The following OXSR1 variants were observed in gnomAD, a reference collection of about 807,000 sequenced individuals.
OXSR1 encodes serine/threonine-protein kinase OSR1.
A neutral mutation model predicts 79.8 loss-of-function variants in OXSR1; 24 were observed. The observed-to-expected ratio is 0.30, with a 90% CI of 0.22 to 0.42. The LOEUF is 0.42. Ranked by LOEUF, OXSR1 falls within the 10% of genes least tolerant of loss-of-function variation. OXSR1 has a pLI of 1.00. For missense variants in OXSR1, 430 were observed against 618.4 expected (o/e 0.70, Z 3.23); for synonymous variants, 226 against 209.2 (o/e 1.08, Z -0.69).
intron 10 of OXSR1, among the ~76,000 whole-genome samples, chr3:38,234,392 G>A (rs1393296128): frequency 6.6e-6 from 1 of 151,984 alleles, no homozygotes; most frequent in East Asian, 1.9e-4. Flanking sequence ...AAGAACTTTT[G>A]CAACTCAATA....
chr3:38,204,231 G>A (rs1302041990), intron 4 of OXSR1, among the ~76,000 whole-genome samples: 1 of 152,148 alleles, frequency 6.6e-6, no homozygotes, highest in African/African-American at 2.4e-5. Context: ...TCCCTTCAGG[G>A]CAGCTGGCTG....
intron 5 of OXSR1, 35 bp downstream of exon 5, chr3:38,216,186 G>A: frequency 7.8e-7 from 1 of 1,277,172 alleles, no homozygotes. Context: ...TTGATTTAAT[G>A]GTCAGTAGAA....
At chr3:38,208,698 C>T (rs1005402836) in intron 4 of OXSR1, among the ~76,000 whole-genome samples, 2 of 151,996 alleles carry the variant, frequency 1.3e-5, no homozygotes, top group African/African-American at 2.4e-5. Flanking sequence ...GTCAGGAGAT[C>T]GAGACCATCC....
At chr3:38,234,511 C>T (rs1468716420) in intron 10 of OXSR1, among the ~76,000 whole-genome samples, 1 of 152,122 alleles carries the variant, frequency 6.6e-6, no homozygotes, top group East Asian at 1.9e-4. Context: ...TATTATTAGC[C>T]ATCAGAGAAA....
chr3:38,249,932 A>G, intron 14 of OXSR1, 34 bp from the exon 15 acceptor site: 1 of 1,286,532 alleles, frequency 7.8e-7, no homozygotes, highest in Middle Eastern at 2.1e-4. Context: ...AAATTTAGAA[A>G]TTCTTATTTT....
chr3:38,167,746 A>G (rs1202423056), intron 1 of OXSR1, among the ~76,000 whole-genome samples: 1 of 152,330 alleles, frequency 6.6e-6, no homozygotes, highest in Middle Eastern at 3.4e-3. Flanking sequence ...CGTTGGTTCT[A>G]AAGACAGCTA....
intron 4 of OXSR1, among the ~76,000 whole-genome samples, chr3:38,214,830 G>A (rs1702451908): frequency 6.6e-6 from 1 of 152,152 alleles, no homozygotes; most frequent in Non-Finnish European, 1.5e-5. Context: ...TGAAACTCTT[G>A]TTCATTGTTT....
At chr3:38,203,342 C>T (rs1013194064) in intron 4 of OXSR1, among the ~76,000 whole-genome samples, 4 of 152,100 alleles carry the variant, frequency 2.6e-5, no homozygotes, top group Non-Finnish European at 4.4e-5. Flanking sequence ...CGCGCCCAGC[C>T]GTTCCGGGCC....
chr3:38,194,463 A>G (rs1193606358), intron 3 of OXSR1, among the ~76,000 whole-genome samples: 3 of 152,150 alleles, frequency 2.0e-5, no homozygotes, highest in Non-Finnish European at 2.9e-5. Context: ...GCTTGAGGCC[A>G]GGAGTTTAAG....
chr3:38,247,766 T>G, intron 14 of OXSR1, 34 bp downstream of exon 14: 1 of 1,417,770 alleles, frequency 7.1e-7, no homozygotes, highest in Middle Eastern at 1.8e-4. Context: ...TTTTCTTTTG[T>G]TTTCTGAATA....
chr3:38,231,751 T>C (rs188180899), intron 10 of OXSR1, among the ~76,000 whole-genome samples: 2 of 152,332 alleles, frequency 1.3e-5, no homozygotes, highest in East Asian at 3.8e-4. Flanking sequence ...TCTATGCTTA[T>C]TATTGTTTAT....
intron 10 of OXSR1, among the ~76,000 whole-genome samples, chr3:38,235,640 G>C (rs150342798): frequency 1.3e-5 from 2 of 152,300 alleles, no homozygotes; most frequent in Non-Finnish European, 2.9e-5. Flanking sequence ...AGAAGACTCT[G>C]TAGTCTTCCA....
At chr3:38,233,972 C>T (rs995873125) in intron 10 of OXSR1, among the ~76,000 whole-genome samples, 2 of 152,062 alleles carry the variant, frequency 1.3e-5, no homozygotes, top group South Asian at 4.1e-4. Flanking sequence ...GTTAAAGAAG[C>T]TTTCGTGCCA....
Position 38,249,132 on chromosome 3 carries a change from C to T in OXSR1, c.1323-834C>T, listed in dbSNP as rs34726733. ...TTTTAAGCACAATTTCAGTAACATCCTCAAGTATATTATTCATCAAATAGA... is the reference window on the plus strand; with the variant it reads ...TTTTAAGCACAATTTCAGTAACATCTTCAAGTATATTATTCATCAAATAGA... On this transcript the variant is annotated intron_variant, in intron 14 of 17. Transcript: ENST00000311806. Among the ~76,000 whole-genome samples the T allele has an allele frequency of 9.8e-3, 1,499 of 152,234 alleles. 31 individuals are homozygous for T. Among genetic ancestry groups the T allele is most frequent in the African/African-American group, 0.032 (1,326 of 41,538 alleles).
chr3:38,172,343 C>G (rs1701597852), intron 1 of OXSR1, among the ~76,000 whole-genome samples: 2 of 152,110 alleles, frequency 1.3e-5, no homozygotes, highest in Admixed American at 6.6e-5. Context: ...AGGACCATCA[C>G]CATGATATTG....
intron 11 of OXSR1, among the ~76,000 whole-genome samples, chr3:38,239,332 C>T (rs1197306019): frequency 6.6e-6 from 1 of 152,148 alleles, no homozygotes; most frequent in Non-Finnish European, 1.5e-5. Context: ...TAATTTTCAC[C>T]TTATTGCTTG....
At position 38,242,773 on chromosome 3, in the gene OXSR1, T is replaced by A. The variant is rs1197495868; in HGVS notation, c.1105T>A (p.Ser369Thr). ...CCGAGTGAAAGAATCAATATCAAATTCTGAGGTAAGTAATTGTGATTATTG... is the reference window on the plus strand; with the variant it reads ...CCGAGTGAAAGAATCAATATCAAATACTGAGGTAAGTAATTGTGATTATTG... ...SPRVKESISN[S>T]ELFPTTDPVG... is the part of the protein sequence containing the mutation. The change falls in exon 12 of 18, where the codon TCT (serine) becomes ACT (threonine). Residue 369 changes from serine (S) to threonine (T), a missense_variant. Physicochemically the swap from Ser to Thr is moderately conservative, Grantham distance 58. Transcript: ENST00000311806. The A allele has an allele frequency of 6.5e-7, 1 of 1,547,652 alleles. No individual in the cohort carries two copies. The highest frequency in any genetic ancestry group is 1.4e-5 in the African/African-American group (1 of 72,816).
intron 10 of OXSR1, 128 bp from the exon 11 acceptor site, chr3:38,236,711 G>T: frequency 2.5e-6 from 2 of 815,926 alleles, no homozygotes; most frequent in Non-Finnish European, 1.8e-6. Context: ...AATTTGTATG[G>T]GAACATTTAT....
intron 3 of OXSR1, among the ~76,000 whole-genome samples, chr3:38,192,206 A>G (rs1208682710): frequency 6.6e-6 from 1 of 152,196 alleles, no homozygotes; most frequent in Non-Finnish European, 1.5e-5. Context: ...CAGGTTGTCC[A>G]AAATTTGTCA....
Sources: allele counts gnomAD v4.1 joint callset (sites outside exome capture counted in the v4.1 genomes callset), GRCh38; gene constraint gnomAD v4.1.1; transcripts MANE v1.5; gene names NCBI Gene and HGNC (gene_info 2026-07-23, HGNC 2026-07-21).